SLC13A3: variants seen among roughly 807,000 people sequenced by gnomAD.
The protein encoded by SLC13A3 is Na(+)/dicarboxylate cotransporter 3.
Under a neutral mutation model 59.0 loss-of-function variants are expected in SLC13A3, and 40 were observed. The observed-to-expected ratio is 0.68, with a 90% CI of 0.53 to 0.88. The LOEUF is 0.88. SLC13A3 is among the 40% of genes least tolerant of loss of function. The pLI, the probability that SLC13A3 is intolerant of heterozygous loss-of-function variation, is 0.00. For synonymous variants in SLC13A3, 317 were observed against 330.3 expected, an observed-to-expected ratio of 0.96 and a Z score of 0.44; for missense variants, 699 against 783.2, an observed-to-expected ratio of 0.89 and a Z score of 1.28.
At chr20:46,578,022 A>T (rs991330804) in intron 9 of SLC13A3, among the ~76,000 whole-genome samples, 1 of 151,798 alleles carries the variant, frequency 6.6e-6, no homozygotes, top group African/African-American at 2.4e-5. Context: ...TTTTTTTGAG[A>T]TGGAGTCTCG....
intron 1 of SLC13A3, among the ~76,000 whole-genome samples, chr20:46,664,309 A>G (rs772104286): frequency 6.6e-6 from 1 of 152,188 alleles, no homozygotes; most frequent in Non-Finnish European, 1.5e-5. Flanking sequence ...TAAAGGCTGA[A>G]GCGACCCTCC....
At chr20:46,652,265 C>T (rs1199840474), upstream of SLC13A3, among the ~76,000 whole-genome samples, 4 of 152,166 alleles carry the variant, frequency 2.6e-5, no homozygotes, top group Admixed American at 6.5e-5. Context: ...ATAGTCTACA[C>T]CAGACAAGAA....
chr20:46,656,013 A>ATAGTATATATACATATAC (rs1328686964), upstream of SLC13A3, among the ~76,000 whole-genome samples: 7 of 138,528 alleles, frequency 5.1e-5, no homozygotes, highest in African/African-American at 2.0e-4. Flanking sequence ...TATACTATAT[A>ATAGTATATATACATATAC]TACAGTATAT....
chr20:46,655,318 C>T (rs2062977722), upstream of SLC13A3, among the ~76,000 whole-genome samples: 2 of 150,158 alleles, frequency 1.3e-5, no homozygotes, highest in African/African-American at 4.9e-5. Context: ...CACATATATA[C>T]ACATAGATAT....
intron 8 of SLC13A3, chr20:46,584,508 C>G: frequency 1.0e-6 from 1 of 985,074 alleles, no homozygotes; most frequent in Non-Finnish European, 1.2e-6. Context: ...TTTCCACTCA[C>G]ACATTTGGAA....
intron 4 of SLC13A3, 108 bp downstream of exon 4, chr20:46,599,863 G>T: frequency 2.6e-6 from 2 of 755,278 alleles, no homozygotes; most frequent in Non-Finnish European, 4.2e-6. Context: ...TAGGTCATTT[G>T]GAGAAAAATT....
chr20:46,589,150 C>T lies in SLC13A3; in HGVS notation c.1016+10G>A, dbSNP rs2122667333. 3.1e-6 allele frequency: 5 copies of T among 1,612,174 alleles called. No individual in the cohort carries two copies. Among genetic ancestry groups the T allele is most frequent in the Non-Finnish European group, 4.2e-6 (5 of 1,178,260 alleles). On this transcript the variant is annotated intron_variant, in intron 7 of 12. Transcript: ENST00000279027. ...TCAGCTCTTTCCTTAACCCAAGGGC[C>T]CCCACATACTTGATGGGCCCCAGGT...
intron 1 of SLC13A3, among the ~76,000 whole-genome samples, chr20:46,681,345 G>A (rs771497966): frequency 1.4e-4 from 21 of 152,102 alleles, no homozygotes; most frequent in Non-Finnish European, 1.9e-4. Context: ...AAATGAACAC[G>A]TTCAAGGAAA....
chr20:46,563,366 C>T (rs774387504), intron 12 of SLC13A3, 48 bp downstream of exon 12: 49 of 1,588,032 alleles, frequency 3.1e-5, no homozygotes, highest in East Asian at 6.7e-5. Context: ...CGCCCCCTTG[C>T]GGCCCACCCA....
intron 1 of SLC13A3, among the ~76,000 whole-genome samples, chr20:46,657,100 C>T (rs142212454): frequency 8.5e-4 from 129 of 151,972 alleles, no homozygotes; most frequent in African/African-American, 3.0e-3. Flanking sequence ...ATGGCAAAAC[C>T]TCATCTCTAC....
At chr20:46,575,167 A>AG (rs1248186019) in intron 10 of SLC13A3, among the ~76,000 whole-genome samples, 1 of 152,036 alleles carries the variant, frequency 6.6e-6, no homozygotes, top group Non-Finnish European at 1.5e-5. Flanking sequence ...AAAAAGAGAG[A>AG]GGGTCTCACT....
intron 1 of SLC13A3, among the ~76,000 whole-genome samples, chr20:46,615,446 G>A (rs147522756): frequency 4.6e-5 from 7 of 152,218 alleles, no homozygotes; most frequent in East Asian, 1.9e-4. Flanking sequence ...GAGGGACCAC[G>A]GAGACCCATC....
intron 1 of SLC13A3, among the ~76,000 whole-genome samples, chr20:46,650,967 C>T (rs753134261): frequency 2.0e-5 from 3 of 152,048 alleles, no homozygotes; most frequent in East Asian, 1.9e-4. Flanking sequence ...GAAGGAGGAT[C>T]GCTTAAGTCC....
rs570400139 is a variant in SLC13A3, at chr20:46,679,256, A to C, written c.-31+5140T>G. 2.0e-5 allele frequency among the ~76,000 whole-genome samples: 3 copies of C among 152,326 alleles called. No homozygotes were observed. In the East Asian group the frequency reaches 5.8e-4, roughly 29 times the overall value. ...ATCTAGACTAATTGGGATTCTGTCC[A>C]AAAGGAATAAGAAGGGTAGGCCGGG... is the stretch of plus-strand genomic sequence containing the variant. On this transcript the variant is annotated intron_variant, in intron 1 of 6. Transcript: ENST00000372121.
upstream of SLC13A3, chr20:46,651,474 C>G: frequency 1.5e-6 from 2 of 1,332,876 alleles, no homozygotes; most frequent in African/African-American, 1.6e-5. Flanking sequence ...CGCCTGGCCC[C>G]GGCGCCGGCT....
intron 4 of SLC13A3, 90 bp downstream of exon 4, chr20:46,599,881 G>A: frequency 1.0e-6 from 1 of 991,736 alleles, no homozygotes; most frequent in South Asian, 1.9e-5. Context: ...ATTCAGGGAT[G>A]GGAGGAAAAT....
intron 9 of SLC13A3, among the ~76,000 whole-genome samples, chr20:46,576,770 G>A (rs866241818): frequency 2.6e-4 from 39 of 152,156 alleles, no homozygotes; most frequent in African/African-American, 8.4e-4. Context: ...CATCTCCCAG[G>A]ACACTTCCTG....
intron 7 of SLC13A3, among the ~76,000 whole-genome samples, chr20:46,588,493 C>T (rs1352322317): frequency 6.6e-6 from 1 of 151,598 alleles, no homozygotes; most frequent in Non-Finnish European, 1.5e-5. Flanking sequence ...AGACAGAGTC[C>T]GAAAAGCAGA....
upstream of SLC13A3, among the ~76,000 whole-genome samples, chr20:46,674,588 T>TGCGC (rs549666867): frequency 5.3e-3 from 721 of 136,654 alleles, 11 homozygotes; most frequent in African/African-American, 0.02. Context: ...AGGTGGGGAG[T>TGCGC]GCGCGCGCGC....
Sources: gnomAD v4.1 joint callset for allele counts (sites outside exome capture counted in the v4.1 genomes callset) on GRCh38, gnomAD v4.1.1 for gene constraint, MANE v1.5 for transcripts, NCBI Gene and HGNC (gene_info 2026-07-23, HGNC 2026-07-21) for gene names.